ZNRF1: variants seen among roughly 807,000 people sequenced by gnomAD.
ZNRF1 encodes the protein zinc and ring finger 1, also known as E3 ubiquitin-protein ligase ZNRF1.
In ZNRF1, 3 loss-of-function variants were observed where a neutral mutation model predicts 18.4. That is an observed-to-expected ratio of 0.16 (90% CI 0.07 to 0.42). The LOEUF is 0.42. Ranked by LOEUF, ZNRF1 falls within the 10% of genes least tolerant of loss-of-function variation. ZNRF1 has a pLI of 0.99. For synonymous variants in ZNRF1, 157 were observed against 144.2 expected, an observed-to-expected ratio of 1.09 and a Z score of -0.64; for missense variants, 310 against 329.8, an observed-to-expected ratio of 0.94 and a Z score of 0.47.
intron 1 of ZNRF1, among the ~76,000 whole-genome samples, chr16:75,004,526 A>ATG (rs367753380): frequency 5.3e-5 from 8 of 152,350 alleles, no homozygotes; most frequent in African/African-American, 1.4e-4. Context: ...GTGTATATAT[A>ATG]TGTATGCACT....
intron 1 of ZNRF1, among the ~76,000 whole-genome samples, chr16:75,010,155 G>T (rs1404126354): frequency 6.6e-6 from 1 of 151,964 alleles, no homozygotes; most frequent in Non-Finnish European, 1.5e-5. Flanking sequence ...GCTAATTTTT[G>T]TATTTTTAGT....
rs548280703 is a variant in ZNRF1, at chr16:75,019,345, A to G, written c.424+19250A>G. ...ATGAGTCACCATGCCTGGACAAAAT[A>G]CAGCTTTTTATTTATTTTCTTGAGA... On this transcript the variant is annotated intron_variant, in intron 1 of 4. Coordinates refer to ENST00000335325, the MANE Select transcript of ZNRF1 (RefSeq NM_032268.5). Among the ~76,000 whole-genome samples, 5 of 152,006 alleles carry G rather than the reference A, an allele frequency of 3.3e-5. No individual in the cohort carries two copies. In the South Asian group the frequency reaches 1.0e-3, roughly 32 times the overall value.
intron 1 of ZNRF1, among the ~76,000 whole-genome samples, chr16:75,012,694 C>A (rs537519403): frequency 1.3e-5 from 2 of 152,128 alleles, no homozygotes; most frequent in Non-Finnish European, 1.5e-5. Flanking sequence ...GCCAACCTAG[C>A]GTGAGTTTTA....
chr16:75,045,925 G>A (rs2035509356), intron 1 of ZNRF1, among the ~76,000 whole-genome samples: 1 of 151,318 alleles, frequency 6.6e-6, no homozygotes, highest in African/African-American at 2.4e-5. Flanking sequence ...TTTTTGAGAT[G>A]GAGTTTCACT....
chr16:75,106,494 G>C lies in ZNRF1; in HGVS notation c.639G>C (p.Ser213=), dbSNP rs1171479218. 7.4e-6 allele frequency: 12 copies of C among 1,614,104 alleles called. No homozygotes were observed. In the Middle Eastern group the frequency reaches 4.9e-4, roughly 67 times the overall value. The change falls in exon 4 of 5, where the codon TCG becomes TCC. Residue 213 remains serine, a synonymous_variant. Transcript: ENST00000335325. ...LCIYHKSCID[S]WFEVNRSCPE... is the part of the protein sequence containing the mutation. The stretch of plus-strand genomic sequence containing the variant: ...CCCCTCCTCCCAGCTGCATAGACTC[G>C]TGGTTTGAAGTGAACAGATCTTGTC...
intron 1 of ZNRF1, chr16:75,000,432 T>C (rs2145309607): frequency 2.0e-6 from 1 of 494,832 alleles, no homozygotes. Flanking sequence ...ACTTCCATTC[T>C]GCCACTGCAG....
chr16:75,023,914 A>G (rs1447981737), intron 1 of ZNRF1, among the ~76,000 whole-genome samples: 2 of 149,758 alleles, frequency 1.3e-5, no homozygotes, highest in Non-Finnish European at 3.0e-5. Flanking sequence ...TCTGTCACCC[A>G]TGCTGGAGTG....
chr16:75,055,467 G>C (rs2035656462), intron 1 of ZNRF1, among the ~76,000 whole-genome samples: 1 of 152,168 alleles, frequency 6.6e-6, no homozygotes, highest in African/African-American at 2.4e-5. Context: ...CTTGGTTCCA[G>C]CACTTTCCAT....
chr16:75,059,563 A>G (rs16953950), intron 1 of ZNRF1, among the ~76,000 whole-genome samples: 4,941 of 151,926 alleles, frequency 0.033, 245 homozygotes, highest in African/African-American at 0.11. Flanking sequence ...CCATCTTCTT[A>G]CTTTTGTTTG....
chr16:75,000,462 G>C, intron 1 of ZNRF1: 1 of 415,978 alleles, frequency 2.4e-6, no homozygotes. Flanking sequence ...TGCCTCACCG[G>C]TAACGGAGAG....
At chr16:75,053,217 AATATAC>A (rs1324355519) in intron 1 of ZNRF1, among the ~76,000 whole-genome samples, 1 of 152,176 alleles carries the variant, frequency 6.6e-6, no homozygotes, top group African/African-American at 2.4e-5. Context: ...CAATTATCTA[AATATAC>A]ATATAAGGTG....
chr16:75,095,422 G>GTC (rs2036186670), intron 2 of ZNRF1, among the ~76,000 whole-genome samples: 1 of 152,012 alleles, frequency 6.6e-6, no homozygotes, highest in Non-Finnish European at 1.5e-5. Flanking sequence ...CCTGTTCGCC[G>GTC]TCTCCGCTTG....
chr16:75,105,028 CATCA>C (rs1171803180), intron 3 of ZNRF1, 139 bp downstream of exon 3: 11 of 683,684 alleles, frequency 1.6e-5, no homozygotes, highest in Non-Finnish European at 2.8e-5. Flanking sequence ...GGGCAGAGGC[CATCA>C]GACAGGTGTC....
At chr16:75,053,256 T>A (rs1430873333) in intron 1 of ZNRF1, among the ~76,000 whole-genome samples, 1 of 152,204 alleles carries the variant, frequency 6.6e-6, no homozygotes. Flanking sequence ...CAGAAAAGCA[T>A]TTTTGTTCTC....
At chr16:75,018,238 G>C (rs931960399) in intron 1 of ZNRF1, among the ~76,000 whole-genome samples, 1 of 152,002 alleles carries the variant, frequency 6.6e-6, no homozygotes, top group South Asian at 2.1e-4. Context: ...CTATAGTTTT[G>C]GTCCTTACTG....
chr16:75,095,544 C>T (rs1030987012), intron 2 of ZNRF1: 46 of 1,463,480 alleles, frequency 3.1e-5, no homozygotes, highest in South Asian at 1.4e-4. Context: ...TGAAGTCCTC[C>T]GTTTGTCCTG....
chr16:75,110,466 G>A lies in ZNRF1; in HGVS notation c.*2766G>A, dbSNP rs1199015761. The A allele has an allele frequency of 1.3e-5, 2 of 152,196 alleles. No individual in the cohort carries two copies. The highest frequency in any genetic ancestry group is 2.9e-5 in the Non-Finnish European group (2 of 68,048). 9.4% of individuals were successfully genotyped at this position (152,196 alleles called of 1,614,324 possible). A position where few individuals can be genotyped will look rare whatever the true frequency, so the allele number is the denominator to read the frequency against. ...ACCATTCCTCTAATAGCCATTTAACGGTACTGCAGTTCATGGGAAAATGTC... is the reference window on the plus strand; with the variant it reads ...ACCATTCCTCTAATAGCCATTTAACAGTACTGCAGTTCATGGGAAAATGTC... On this transcript the variant is annotated 3_prime_UTR_variant, in exon 5 of 5. Coordinates refer to ENST00000335325, the MANE Select transcript of ZNRF1 (RefSeq NM_032268.5).
At chr16:75,097,294 C>T (rs545587067) in intron 2 of ZNRF1, among the ~76,000 whole-genome samples, 6 of 152,118 alleles carry the variant, frequency 3.9e-5, no homozygotes, top group African/African-American at 1.4e-4. Flanking sequence ...CCTGTGGAGT[C>T]GTGGAGATGA....
chr16:75,019,832 C>T (rs543727071), intron 1 of ZNRF1, among the ~76,000 whole-genome samples: 33 of 152,256 alleles, frequency 2.2e-4, no homozygotes, highest in African/African-American at 7.7e-4. Context: ...TCAAGCGATC[C>T]TCCTGCCTCA....
Sources: gnomAD v4.1 joint callset for allele counts (sites outside exome capture counted in the v4.1 genomes callset) on GRCh38, gnomAD v4.1.1 for gene constraint, MANE v1.5 for transcripts, NCBI Gene and HGNC (gene_info 2026-07-23, HGNC 2026-07-21) for gene names.